The following SPTBN5 variants were observed in gnomAD, a reference collection of about 807,000 sequenced individuals.
The protein encoded by SPTBN5 is spectrin beta, non-erythrocytic 5, also known as spectrin beta chain, non-erythrocytic 5.
In SPTBN5, 513 loss-of-function variants were observed where a neutral mutation model predicts 477.6. The observed-to-expected ratio is 1.07, with a 90% CI of 1.00 to 1.16. The LOEUF is 1.16. Among genes scored for constraint, SPTBN5 ranks in the 50% most tolerant of loss-of-function variants. The pLI is 0.00. For synonymous variants in SPTBN5, 2,169 were observed against 2,011.7 expected (o/e 1.08, Z -2.09); for missense variants, 5,062 against 4,731.8 (o/e 1.07, Z -2.05).
Position 41,851,129 on chromosome 15 carries a change from G to A in SPTBN5, c.10765C>T (p.Leu3589Phe). ...AAEKVASIAL[L>F]DLTGARCERL... is the part of the protein sequence containing the mutation. Reference sequence around the variant, plus strand: ...TCACACCGGGCTCCCGTGAGGTCAAGGAGGGCTATGGAAGCTACTTTCTGA... The same window carrying A: ...TCACACCGGGCTCCCGTGAGGTCAAAGAGGGCTATGGAAGCTACTTTCTGA... Residue 3589 changes from leucine (L) to phenylalanine (F), a missense_variant, in exon 65 of 68, where the codon CTT (leucine) becomes TTT (phenylalanine). Physicochemically the swap from Leu to Phe is conservative, Grantham distance 22. Transcript: ENST00000320955. The A allele has an allele frequency of 3.1e-6, 5 of 1,613,222 alleles. No individual in the cohort carries two copies. The highest frequency in any genetic ancestry group is 4.2e-6 in the Non-Finnish European group (5 of 1,179,788).
intron 45 of SPTBN5, 116 bp from the exon 46 acceptor site, chr15:41,861,612 G>T: frequency 6.6e-7 from 1 of 1,504,742 alleles, no homozygotes; most frequent in South Asian, 1.2e-5. Flanking sequence ...CAGGAGTGCT[G>T]AGTGGTGGGG....
intron 4 of SPTBN5, among the ~76,000 whole-genome samples, chr15:41,889,279 C>A (rs1567234164): frequency 6.6e-6 from 1 of 152,244 alleles, no homozygotes; most frequent in Non-Finnish European, 1.5e-5. Flanking sequence ...AGTTTCCAGG[C>A]CATCCTGGAC....
chr15:41,876,626 A>G lies in SPTBN5; in HGVS notation c.3873T>C (p.Ser1291=). ...AAHTVREQLQ[S]IQAQWTRLQG... is the part of the protein sequence containing the mutation. Reference sequence around the variant, plus strand: ...GGAGCCTGGTCCACTGTGCCTGGATACTCTGCAGCTGCTCTCTGACCCTGG... The same window carrying G: ...GGAGCCTGGTCCACTGTGCCTGGATGCTCTGCAGCTGCTCTCTGACCCTGG... The change falls in exon 20 of 68, where the codon AGT becomes AGC. Residue 1291 remains serine, a synonymous_variant. Coordinates refer to ENST00000320955, the MANE Select transcript of SPTBN5 (RefSeq NM_016642.4). 1 of 1,525,864 alleles carries G rather than the reference A, an allele frequency of 6.6e-7. No individual in the cohort carries two copies. Among genetic ancestry groups the G allele is most frequent in the Non-Finnish European group, 8.8e-7 (1 of 1,136,828 alleles). The allele number at this position is 1,525,864 out of a possible 1,614,324, so 94.5% of individuals were successfully genotyped here.
intron 61 of SPTBN5, 44 bp from the exon 62 acceptor site, chr15:41,852,360 G>A (rs779256171): frequency 2.0e-6 from 3 of 1,518,122 alleles, no homozygotes; most frequent in Admixed American, 2.1e-5. Flanking sequence ...AGGTCAGGGA[G>A]ACCAGCCACA....
chr15:41,869,879 G>A lies in SPTBN5; in HGVS notation c.5815C>T (p.Leu1939=), dbSNP rs1322738622. The part of the protein sequence containing the change: ...QRRMEQRRAQ[L]ERARLLARFR... ...CGGGCCAGGAGGCGTGCCCGCTCCA[G>A]CTGGGCCCTGCGCTGCTCCATGCGT... is the stretch of plus-strand genomic sequence containing the variant. The change falls in exon 32 of 68, where the codon CTG becomes TTG. Residue 1939 remains leucine (L), a synonymous_variant. Transcript: ENST00000320955. 6.4e-7 allele frequency: 1 copy of A among 1,552,898 alleles called. No homozygotes were observed. Among genetic ancestry groups the A allele is most frequent in the Non-Finnish European group, 8.6e-7 (1 of 1,157,840 alleles).
intron 23 of SPTBN5, 59 bp from the exon 24 acceptor site, chr15:41,874,537 G>A (rs2066656437): frequency 7.1e-7 from 1 of 1,417,688 alleles, no homozygotes; most frequent in Non-Finnish European, 9.4e-7. Context: ...AAGGCTCCTG[G>A]TTCTTTCCTT....
chr15:41,889,316 A>G (rs2067243184), intron 4 of SPTBN5, among the ~76,000 whole-genome samples: 1 of 152,160 alleles, frequency 6.6e-6, no homozygotes, highest in African/African-American at 2.4e-5. Context: ...GCTTCTTTTC[A>G]TGAGGGTTTC....
intron 4 of SPTBN5, 99 bp downstream of exon 4, chr15:41,889,990 C>A: frequency 2.6e-6 from 2 of 755,356 alleles, no homozygotes; most frequent in Non-Finnish European, 2.3e-6. Context: ...CTATGGGGAT[C>A]ATAAAAGTTG....
At position 41,879,447 on chromosome 15, in the gene SPTBN5, T is replaced by C. The variant is rs769031179; in HGVS notation, c.2995A>G (p.Ser999Gly). The change falls in exon 16 of 68, where the codon AGT (serine) becomes GGT (glycine). Residue 999 changes from serine (S) to glycine (G), a missense_variant. By Grantham distance (56) the Ser-to-Gly change is moderately conservative. Coordinates refer to ENST00000320955, the MANE Select transcript of SPTBN5 (RefSeq NM_016642.4). ...KREKAVQLAH[S>G]VEVCSFLQEC... ...TGCAGAAAACTGCACACTTCCACACTGTGTGCCAGCTGCACGGCCTTCTCC... is the reference window on the plus strand; with the variant it reads ...TGCAGAAAACTGCACACTTCCACACCGTGTGCCAGCTGCACGGCCTTCTCC... 6.2e-7 allele frequency: 1 copy of C among 1,605,220 alleles called. No individual in the cohort carries two copies. The highest frequency in any genetic ancestry group is 8.5e-7 in the Non-Finnish European group (1 of 1,177,210).
intron 39 of SPTBN5, 33 bp from the exon 40 acceptor site, chr15:41,864,057 C>A (rs748336990): frequency 6.4e-7 from 1 of 1,553,766 alleles, no homozygotes; most frequent in African/African-American, 1.4e-5. Context: ...GGCATTGGCA[C>A]CCCCCATGCA....
In SPTBN5 at chr15:41,862,201, T is replaced by C. The variant is rs2066134641; in HGVS notation, c.7477A>G (p.Met2493Val). ...LVSAQRLRAQ[M>V]DTSPAPRSPV... The stretch of plus-strand genomic sequence containing the variant: ...CTGCGAGGAGCGGGGCTCGTGTCCA[T>C]CTGAGCCCGCAGCCTCTGGGCGCTG... The change falls in exon 44 of 68, where the codon ATG becomes GTG. Residue 2493 changes from methionine (M) to valine (V), a missense_variant. Coordinates refer to ENST00000320955, the MANE Select transcript of SPTBN5 (RefSeq NM_016642.4). 1.2e-6 allele frequency: 2 copies of C among 1,611,066 alleles called. No individual in the cohort carries two copies. Among genetic ancestry groups the C allele is most frequent in the Non-Finnish European group, 1.7e-6 (2 of 1,178,902 alleles).
Position 41,876,707 on chromosome 15 carries a change from G to A in SPTBN5, c.3852-60C>T, listed in dbSNP as rs900549852. On this transcript the variant is annotated intron_variant, in intron 19 of 67. Coordinates refer to ENST00000320955, the MANE Select transcript of SPTBN5 (RefSeq NM_016642.4). ...GAGAGGACTCCCACCCCAGCACGAG[G>A]TGCACTCTCCCCCACCCCCTACTCT... is the stretch of plus-strand genomic sequence containing the variant. 1.0e-5 allele frequency: 16 copies of A among 1,595,890 alleles called. No homozygotes were observed. In the Middle Eastern group the frequency reaches 1.7e-3, roughly 173 times the overall value.
rs2066643733 is a variant in SPTBN5, at chr15:41,874,292, C to T, written c.4689G>A (p.Lys1563=). 6.2e-7 allele frequency: 1 copy of T among 1,609,380 alleles called. No individual in the cohort carries two copies. The highest frequency in any genetic ancestry group is 1.7e-5 in the Admixed American group (1 of 59,384). The change falls in exon 24 of 68, where the codon AAG becomes AAA. Residue 1563 remains lysine (K), a splice_region_variant and synonymous_variant. Transcript: ENST00000320955. ...CCTGTAGGAAGAAGAGGGCTATTAC[C>T]TTGTGCTTGCGGTGAAGGCTCTGGG... ...NGAQSLHRKH[K]ELQVEVKAHQ...
Position 41,854,929 on chromosome 15 carries a change from C to A in SPTBN5, c.9471G>T (p.Leu3157=). 6.3e-7 allele frequency: 1 copy of A among 1,581,606 alleles called. No individual in the cohort carries two copies. The highest frequency in any genetic ancestry group is 8.6e-7 in the Non-Finnish European group (1 of 1,165,228). Residue 3157 remains leucine (L), a synonymous_variant, in exon 56 of 68, where the codon CTG becomes CTT. Transcript: ENST00000320955. ...FDAFRKEVQS[L]GQAKVYALRK... ...TCAGGGCATACACCTTGGCCTGGCC[C>A]AGGCTCTGCACTTCCTTTCTGAAAG...
At chr15:41,877,970 G>T (rs572433814) in intron 17 of SPTBN5, among the ~76,000 whole-genome samples, 1 of 152,162 alleles carries the variant, frequency 6.6e-6, no homozygotes, top group Non-Finnish European at 1.5e-5. Flanking sequence ...CCGTGGGTGG[G>T]TCCTGAGCCA....
At position 41,866,143 on chromosome 15, in the gene SPTBN5, G is replaced by A. The variant is rs146923346; in HGVS notation, c.6717C>T (p.Asp2239=). The A allele has an allele frequency of 9.8e-5, 153 of 1,561,394 alleles. No individual in the cohort carries two copies. In the East Asian group the frequency reaches 2.9e-3, roughly 30 times the overall value. Residue 2239 remains aspartate, a synonymous_variant, in exon 38 of 68, where the codon GAC becomes GAT. Coordinates refer to ENST00000320955, the MANE Select transcript of SPTBN5 (RefSeq NM_016642.4). ...RLQGLRKHWE[D]LRQAMALRGQ... Reference sequence around the variant, plus strand: ...CCCTGAGGGCCATTGCCTGCCTCAGGTCCTCCCAGTGCTTCCGCAGGCCCT... The same window carrying A: ...CCCTGAGGGCCATTGCCTGCCTCAGATCCTCCCAGTGCTTCCGCAGGCCCT...
In SPTBN5 at chr15:41,893,341, T is replaced by G; in HGVS notation, c.157A>C (p.Met53Leu). ...GTGAAAGTCTTCTCCTGCATCTGCA[T>G]GTGCCGGGCCTGTAGCTTGCGAATG... ...GHIRKLQARH[M>L]QMQEKTFTKW... The change falls in exon 2 of 68, where the codon ATG (methionine) becomes CTG (leucine). Residue 53 changes from methionine (M) to leucine (L), a missense_variant. Met to Leu is a conservative substitution (Grantham distance 15). Transcript: ENST00000320955. The G allele has an allele frequency of 6.2e-7, 1 of 1,614,030 alleles. No homozygotes were observed. Among genetic ancestry groups the G allele is most frequent in the Non-Finnish European group, 8.5e-7 (1 of 1,179,900 alleles).
chr15:41,883,279 T>G, intron 8 of SPTBN5, 51 bp from the exon 9 acceptor site: 1 of 1,605,014 alleles, frequency 6.2e-7, no homozygotes, highest in Non-Finnish European at 8.5e-7. Context: ...TGGGTCCCTC[T>G]GAGCACTGGC....
rs1417815662 is a variant in SPTBN5 at position 41,871,834 on chromosome 15, T to C, written c.5249A>G (p.Lys1750Arg). 6.3e-7 allele frequency: 1 copy of C among 1,591,072 alleles called. No individual in the cohort carries two copies. Among genetic ancestry groups the C allele is most frequent in the East Asian group, 2.3e-5 (1 of 43,496 alleles). ...GCTCTCCCCTCCTTTGGCTGCCTGC[T>C]TCTGGCTTGCCAGCCAGCCCTGCAG... is the stretch of plus-strand genomic sequence containing the variant. ...EDLQGWLASQ[K>R]QAAKGGESLG... Residue 1750 changes from lysine (K) to arginine (R), a missense_variant, in exon 28 of 68, where the codon AAG (lysine) becomes AGG (arginine). Physicochemically the swap from Lys to Arg is conservative, Grantham distance 26 (BLOSUM62 2). Transcript: ENST00000320955.
Sources: gnomAD v4.1 joint callset for allele counts (sites outside exome capture counted in the v4.1 genomes callset) on GRCh38, gnomAD v4.1.1 for gene constraint, MANE v1.5 for transcripts, NCBI Gene and HGNC (gene_info 2026-07-23, HGNC 2026-07-21) for gene names.